Variants in CAB39L observed in about 807,000 individuals in gnomAD.
The protein encoded by CAB39L is calcium binding protein 39 like.
CAB39L carries 23 observed loss-of-function variants against 39.1 expected under a neutral mutation model. That is an observed-to-expected ratio of 0.59 (90% CI 0.42 to 0.83). The LOEUF is 0.83. Among genes scored for constraint, CAB39L ranks in the 40% least tolerant of loss-of-function variants. The pLI is 0.00. For synonymous variants in CAB39L, 126 were observed against 137.2 expected (o/e 0.92, Z 0.57); for missense variants, 366 against 391.9 (o/e 0.93, Z 0.56).
chr13:49,320,584 A>G (rs890364878), intron 10 of CAB39L, among the ~76,000 whole-genome samples: 7 of 152,186 alleles, frequency 4.6e-5, no homozygotes, highest in African/African-American at 1.7e-4. Context: ...GCCAACAGGG[A>G]TTGAGCCAGA....
chr13:49,316,053 A>G (rs1954149943), intron 10 of CAB39L, among the ~76,000 whole-genome samples: 1 of 152,120 alleles, frequency 6.6e-6, no homozygotes, highest in South Asian at 2.1e-4. Flanking sequence ...GGAAAATGAC[A>G]GAATCAATGA....
chr13:49,336,355 C>T (rs138012574), intron 9 of CAB39L, among the ~76,000 whole-genome samples: 1 of 152,018 alleles, frequency 6.6e-6, no homozygotes, highest in East Asian at 1.9e-4. Flanking sequence ...CATTTTTTTC[C>T]AGTGTCCTAT....
chr13:49,317,078 G>A (rs1705809155), intron 10 of CAB39L, among the ~76,000 whole-genome samples: 2 of 152,046 alleles, frequency 1.3e-5, no homozygotes, highest in African/African-American at 4.8e-5. Flanking sequence ...TGTGTTTTCT[G>A]TTGTTTTAAG....
chr13:49,326,870 G>T (rs570820069), intron 10 of CAB39L, among the ~76,000 whole-genome samples: 1 of 151,970 alleles, frequency 6.6e-6, no homozygotes, highest in Non-Finnish European at 1.5e-5. Context: ...CTGCATTTTT[G>T]AACAAAATTA....
intron 8 of CAB39L, among the ~76,000 whole-genome samples, chr13:49,342,954 T>C (rs1367755883): frequency 6.6e-5 from 10 of 152,238 alleles, no homozygotes; most frequent in Admixed American, 6.5e-4. Context: ...TAGATGTATA[T>C]TATTAAAATT....
At chr13:49,350,683 T>C in intron 7 of CAB39L, 61 bp downstream of exon 7, 2 of 1,250,420 alleles carry the variant, frequency 1.6e-6, no homozygotes, top group Middle Eastern at 2.1e-4. Flanking sequence ...AAAATTAAAT[T>C]GCCTCTTCAG....
chr13:49,350,471 G>A lies in CAB39L; in HGVS notation c.564+273C>T, dbSNP rs538562641. 1.3e-4 allele frequency among the ~76,000 whole-genome samples: 20 copies of A among 152,248 alleles called. No individual in the cohort carries two copies. The South Asian group carries it at 4.1e-3, about 32-fold the overall frequency. ...CATAAATGACAGCATGCCACACACA[G>A]AGCACTACATATTCCTTTCCCACGT... On this transcript the variant is annotated intron_variant, in intron 7 of 10. Transcript: ENST00000409308.
chr13:49,412,159 C>T (rs1294783450), intron 3 of CAB39L, among the ~76,000 whole-genome samples: 2 of 152,094 alleles, frequency 1.3e-5, no homozygotes, highest in Non-Finnish European at 2.9e-5. Flanking sequence ...TTAACCACTT[C>T]TCTATATATA....
At chr13:49,438,768 G>A (rs1410415874) in intron 1 of CAB39L, among the ~76,000 whole-genome samples, 1 of 152,112 alleles carries the variant, frequency 6.6e-6, no homozygotes, top group African/African-American at 2.4e-5. Flanking sequence ...TAACTGTTGT[G>A]GGTTGATTTC....
At chr13:49,385,753 G>A (rs976333492) in intron 3 of CAB39L, among the ~76,000 whole-genome samples, 2 of 152,126 alleles carry the variant, frequency 1.3e-5, no homozygotes, top group African/African-American at 4.8e-5. Context: ...CAGTCGATGG[G>A]GCACTCAGAA....
chr13:49,408,044 A>G (rs149827308), intron 3 of CAB39L, among the ~76,000 whole-genome samples: 37 of 152,306 alleles, frequency 2.4e-4, no homozygotes, highest in Non-Finnish European at 4.9e-4. Flanking sequence ...AACTTTCTGT[A>G]ATGAATGTGA....
chr13:49,362,735 TC>T (rs1168539478), intron 5 of CAB39L, among the ~76,000 whole-genome samples: 5 of 151,842 alleles, frequency 3.3e-5, no homozygotes, highest in Admixed American at 6.6e-5. Flanking sequence ...ATATGAATAT[TC>T]AAGTATAAGA....
intron 9 of CAB39L, among the ~76,000 whole-genome samples, chr13:49,335,756 A>C (rs1954828464): frequency 6.6e-6 from 1 of 152,218 alleles, no homozygotes; most frequent in African/African-American, 2.4e-5. Context: ...TGCAGAAGAT[A>C]AGGAAAAAAT....
At chr13:49,392,151 A>C (rs1055036041) in intron 3 of CAB39L, among the ~76,000 whole-genome samples, 6 of 152,184 alleles carry the variant, frequency 3.9e-5, no homozygotes, top group Non-Finnish European at 7.4e-5. Context: ...TTTAGTTGTC[A>C]TGAAGAGAAT....
chr13:49,323,143 C>T (rs1954400482), intron 10 of CAB39L, among the ~76,000 whole-genome samples: 1 of 152,316 alleles, frequency 6.6e-6, no homozygotes, highest in Middle Eastern at 3.4e-3. Context: ...TGTGCAGTCT[C>T]CTTTCCTAGG....
chr13:49,420,275 G>A (rs961620313), intron 3 of CAB39L: 4 of 152,140 alleles, frequency 2.6e-5, no homozygotes, highest in African/African-American at 9.7e-5. Flanking sequence ...ATTCAGTTCT[G>A]AAAAATAATG....
chr13:49,439,921 G>GTTTTTTTTTTTTTTTTT (rs34993624), intron 1 of CAB39L, among the ~76,000 whole-genome samples: 3 of 78,540 alleles, frequency 3.8e-5, no homozygotes, highest in African/African-American at 9.3e-5. Context: ...TTTTTAATGG[G>GTTTTTTTTTTTTTTTTT]TTTTTTTTTT....
Position 49,330,280 on chromosome 13 carries a change from T to C in CAB39L, c.834+1667A>G, listed in dbSNP as rs116240425. Among the ~76,000 whole-genome samples, 482 of 152,328 alleles carry C rather than the reference T, an allele frequency of 3.2e-3. 1 individual carries two copies. Among genetic ancestry groups the C allele is most frequent in the African/African-American group, 0.01 (436 of 41,566 alleles). On this transcript the variant is annotated intron_variant, in intron 10 of 10. Coordinates refer to ENST00000409308, the MANE Select transcript of CAB39L (RefSeq NM_001079670.3). ...TCTGGCCACTTTCCTATTATTACTT[T>C]TGGCTAATAAAGTAACTTTCTTTTT...
chr13:49,393,301 A>G (rs148342946), intron 3 of CAB39L, among the ~76,000 whole-genome samples: 18 of 152,228 alleles, frequency 1.2e-4, no homozygotes, highest in Admixed American at 7.9e-4. Flanking sequence ...CATACTGCCA[A>G]CTAAATATGT....
Sources: gnomAD v4.1 joint callset for allele counts (sites outside exome capture counted in the v4.1 genomes callset) on GRCh38, gnomAD v4.1.1 for gene constraint, MANE v1.5 for transcripts, NCBI Gene and HGNC (gene_info 2026-07-23, HGNC 2026-07-21) for gene names.